PGM2: variants seen among roughly 807,000 people sequenced by gnomAD.
The protein encoded by PGM2 is phosphopentomutase.
In PGM2, 57 loss-of-function variants were observed where a neutral mutation model predicts 74.6. The observed-to-expected ratio is 0.76, with a 90% CI of 0.62 to 0.95. The LOEUF (loss-of-function observed/expected upper bound fraction) is 0.95, where lower values mean the gene tolerates loss of function less well. Ranked by LOEUF, PGM2 falls within the 40% of genes least tolerant of loss-of-function variation. PGM2 has a pLI of 0.00. For synonymous variants in PGM2, 273 were observed against 260.7 expected, an observed-to-expected ratio of 1.05 and a Z score of -0.46; for missense variants, 706 against 741.9, an observed-to-expected ratio of 0.95 and a Z score of 0.56.
chr4:37,840,962 G>GTA lies in PGM2; in HGVS notation c.719+704_719+705insAT, dbSNP rs376186917. ...CATACATGTAAGTGTGTGTGTGTGT[G>GTA]TGTATATATATATATATATATGTAT... is the stretch of plus-strand genomic sequence containing the variant. On this transcript the variant is annotated intron_variant, in intron 6 of 13. Coordinates refer to ENST00000381967, the MANE Select transcript of PGM2 (RefSeq NM_018290.4). 6.8e-3 allele frequency among the ~76,000 whole-genome samples: 956 copies of GTA among 140,930 alleles called. 5 individuals are homozygous for GTA. Among genetic ancestry groups the GTA allele is most frequent in the Non-Finnish European group, 9.3e-3 (602 of 64,796 alleles). 92.5% of individuals were successfully genotyped at this position (140,930 alleles called of 152,430 possible). A position where few individuals can be genotyped will look rare whatever the true frequency, so the allele number is the denominator to read the frequency against.
At chr4:37,858,031 A>T (rs1711588545) in intron 13 of PGM2, among the ~76,000 whole-genome samples, 3 of 152,078 alleles carry the variant, frequency 2.0e-5, no homozygotes, top group Admixed American at 6.6e-5. Flanking sequence ...CCTTTTCATT[A>T]TCTGATGAAA....
In PGM2 at chr4:37,826,721, AC is replaced by A. The variant is rs1560409640; in HGVS notation, c.-11del. On this transcript the variant is annotated 5_prime_UTR_variant, in exon 1 of 14. Coordinates refer to ENST00000381967, the MANE Select transcript of PGM2 (RefSeq NM_018290.4). ...GCCTGCTTCCCTCTGCAGCGGTAGC[AC>A]AAGCTCAGCGATGGCGGCTCCAGAA... The A allele has an allele frequency of 6.5e-7, 1 of 1,548,354 alleles. No individual in the cohort carries two copies.
chr4:37,855,266 C>T lies in PGM2; in HGVS notation c.1603-342C>T, dbSNP rs868218936. ...TCTGCCTCTGTGAGTTCAACCTTTT[C>T]GGATTCCACATGTAGGTGAGATCAT... On this transcript the variant is annotated intron_variant, in intron 12 of 13. Coordinates refer to ENST00000381967, the MANE Select transcript of PGM2 (RefSeq NM_018290.4). Among the ~76,000 whole-genome samples the T allele has an allele frequency of 7.2e-5, 11 of 151,768 alleles. No individual in the cohort carries two copies. The East Asian group carries it at 1.2e-3, about 16-fold the overall frequency.
chr4:37,843,475 C>T (rs1725783908), intron 6 of PGM2, among the ~76,000 whole-genome samples: 1 of 151,976 alleles, frequency 6.6e-6, no homozygotes, highest in South Asian at 2.1e-4. Context: ...GTTTTTAAAG[C>T]CTTTTATTTT....
chr4:37,844,333 G>A (rs1269327914), intron 6 of PGM2, 31 bp from the exon 7 acceptor site: 2 of 1,469,084 alleles, frequency 1.4e-6, no homozygotes, highest in African/African-American at 1.4e-5. Context: ...TTTCTGCCTT[G>A]TATCATTTTC....
intron 2 of PGM2, 74 bp downstream of exon 2, chr4:37,830,205 A>G: frequency 1.9e-6 from 2 of 1,079,232 alleles, no homozygotes; most frequent in Non-Finnish European, 2.6e-6. Flanking sequence ...GACCTAATTT[A>G]TTCTAATTAT....
chr4:37,847,428 C>A, intron 10 of PGM2, 133 bp downstream of exon 10: 1 of 624,574 alleles, frequency 1.6e-6, no homozygotes, highest in Non-Finnish European at 2.8e-6. Context: ...GTCGAACTGT[C>A]CTACTCCAAA....
intron 11 of PGM2, 92 bp downstream of exon 11, chr4:37,848,743 C>T (rs1337319310): frequency 4.1e-6 from 4 of 985,594 alleles, no homozygotes; most frequent in African/African-American, 3.2e-5. Context: ...CTTTCTAATG[C>T]TCTTATTTTG....
chr4:37,844,295 T>C (rs1725805291), intron 6 of PGM2, 69 bp from the exon 7 acceptor site: 3 of 971,808 alleles, frequency 3.1e-6, no homozygotes, highest in Non-Finnish European at 1.6e-6. Context: ...TGTGCATTCT[T>C]GCAAACCTTG....
chr4:37,854,703 A>G (rs2152181365), intron 12 of PGM2, among the ~76,000 whole-genome samples: 1 of 151,916 alleles, frequency 6.6e-6, no homozygotes, highest in African/African-American at 2.4e-5. Flanking sequence ...CTCCTTATGG[A>G]ATTTTCTTTG....
chr4:37,852,363 G>A lies in PGM2; in HGVS notation c.1602+1990G>A, dbSNP rs1433420082. Among the ~76,000 whole-genome samples the A allele has an allele frequency of 3.9e-5, 6 of 152,116 alleles. No homozygotes were observed. In the South Asian group the frequency reaches 8.3e-4, roughly 21 times the overall value. On this transcript the variant is annotated intron_variant, in intron 12 of 13. Coordinates refer to ENST00000381967, the MANE Select transcript of PGM2 (RefSeq NM_018290.4). Reference sequence around the variant, plus strand: ...AAATCCTTCAAATGCCTCTCAGTAGGGTTTTCCTGGTCCATGTCCAATGGC... The same window carrying A: ...AAATCCTTCAAATGCCTCTCAGTAGAGTTTTCCTGGTCCATGTCCAATGGC...
At chr4:37,846,053 C>T (rs1725861289) in intron 8 of PGM2, among the ~76,000 whole-genome samples, 1 of 152,126 alleles carries the variant, frequency 6.6e-6, no homozygotes. Flanking sequence ...GAGGGTAAAG[C>T]ACTTTGGTGC....
intron 6 of PGM2, among the ~76,000 whole-genome samples, chr4:37,841,096 A>ATGTGTG (rs1271141747): frequency 0.018 from 2,009 of 113,784 alleles, 33 homozygotes; most frequent in African/African-American, 0.044. Context: ...ATATATATAT[A>ATGTGTG]TATATGTGTG....
Position 37,840,229 on chromosome 4 carries a change from T to C in PGM2, c.689T>C (p.Phe230Ser). 3 of 1,610,946 alleles carry C rather than the reference T, an allele frequency of 1.9e-6. No homozygotes were observed. The highest frequency in any genetic ancestry group is 2.5e-6 in the Non-Finnish European group (3 of 1,177,060). The change falls in exon 6 of 14, where the codon TTT becomes TCT. Residue 230 changes from phenylalanine to serine, a missense_variant. Phe to Ser is a radical substitution (Grantham distance 155). Coordinates refer to ENST00000381967, the MANE Select transcript of PGM2 (RefSeq NM_018290.4). ...AGTGCTTCCATCAATAATGACTACT[T>C]TGAAGACCTTAAAAAGTACTGTTTC... ...NPSASINNDY[F>S]EDLKKYCFHR...
At chr4:37,827,961 C>T (rs1725341677) in intron 1 of PGM2, among the ~76,000 whole-genome samples, 2 of 152,182 alleles carry the variant, frequency 1.3e-5, no homozygotes, top group African/African-American at 2.4e-5. Flanking sequence ...TAGTGCCTGG[C>T]ATAGGCATAG....
chr4:37,847,326 G>T, intron 10 of PGM2, 31 bp downstream of exon 10: 3 of 1,472,464 alleles, frequency 2.0e-6, no homozygotes, highest in Non-Finnish European at 2.8e-6. Flanking sequence ...TTAAGGAATT[G>T]GCTGCAAGGC....
chr4:37,859,140 C>T (rs1363135359), intron 13 of PGM2, among the ~76,000 whole-genome samples: 1 of 152,162 alleles, frequency 6.6e-6, no homozygotes, highest in African/African-American at 2.4e-5. Flanking sequence ...TATTTGCTCT[C>T]TCACCATATA....
In PGM2 at chr4:37,826,723, A is replaced by C; in HGVS notation, c.-10A>C. ...CTGCTTCCCTCTGCAGCGGTAGCAC[A>C]AGCTCAGCGATGGCGGCTCCAGAAG... On this transcript the variant is annotated 5_prime_UTR_variant, in exon 1 of 14. Transcript: ENST00000381967. 1 of 1,548,662 alleles carries C rather than the reference A, an allele frequency of 6.5e-7. No homozygotes were observed. The highest frequency in any genetic ancestry group is 8.7e-7 in the Non-Finnish European group (1 of 1,145,074).
chr4:37,846,891 A>G, intron 8 of PGM2, 40 bp from the exon 9 acceptor site: 3 of 1,514,858 alleles, frequency 2.0e-6, no homozygotes, highest in Non-Finnish European at 2.7e-6. Flanking sequence ...CCTTAAGATT[A>G]TGGAAATGAA....
Sources: allele counts gnomAD v4.1 joint callset (sites outside exome capture counted in the v4.1 genomes callset), GRCh38; gene constraint gnomAD v4.1.1; transcripts MANE v1.5; gene names NCBI Gene and HGNC (gene_info 2026-07-23, HGNC 2026-07-21).